GRIK3: variants seen among roughly 807,000 people sequenced by gnomAD.
GRIK3 encodes glutamate receptor ionotropic, kainate 3.
A neutral mutation model predicts 102.5 loss-of-function variants in GRIK3; 29 were observed. The ratio of observed to expected loss-of-function variants is 0.28; its 90% CI spans 0.21 to 0.39. The LOEUF is 0.39. Among genes scored for constraint, GRIK3 ranks in the 10% least tolerant of loss-of-function variants. The pLI is 1.00. For missense variants in GRIK3, 908 were observed against 1,252.4 expected (o/e 0.73, Z 4.15); for synonymous variants, 511 against 504.9 (o/e 1.01, Z -0.16).
At chr1:37,019,019 G>A (rs974122939) in intron 1 of GRIK3, among the ~76,000 whole-genome samples, 5 of 152,058 alleles carry the variant, frequency 3.3e-5, no homozygotes, top group African/African-American at 1.2e-4. Context: ...GCCATGTCCA[G>A]GAAAATCCAC....
Position 36,825,831 on chromosome 1 carries a change from A to C in GRIK3, c.1531-5T>G. 2 of 1,596,154 alleles carry C rather than the reference A, an allele frequency of 1.3e-6. No individual in the cohort carries two copies. Among genetic ancestry groups the C allele is most frequent in the Non-Finnish European group, 1.7e-6 (2 of 1,168,342 alleles). On this transcript the variant is annotated splice_polypyrimidine_tract_variant and splice_region_variant and intron_variant, in intron 10 of 15. Transcript: ENST00000373091. ...GGCCACGGCCAGATCTGCCTTCTGC[A>C]ACCAGACAGAGAGAGAAAGACAGAC...
At chr1:36,826,777 C>T (rs1043827697) in intron 10 of GRIK3, among the ~76,000 whole-genome samples, 15 of 151,738 alleles carry the variant, frequency 9.9e-5, no homozygotes, top group African/African-American at 2.9e-4. Context: ...TGGGGTAATT[C>T]TAGGAATGCT....
At chr1:36,978,936 T>C (rs1303575888) in intron 1 of GRIK3, among the ~76,000 whole-genome samples, 4 of 152,208 alleles carry the variant, frequency 2.6e-5, no homozygotes, top group Admixed American at 6.5e-5. Flanking sequence ...GTATAGATCA[T>C]TGATACATGG....
intron 1 of GRIK3, among the ~76,000 whole-genome samples, chr1:36,959,006 C>T (rs112145595): frequency 2.1e-4 from 18 of 85,148 alleles, no homozygotes; most frequent in African/African-American, 4.9e-4. Flanking sequence ...GTCTGTGCCC[C>T]GTGACTCTGT....
intron 1 of GRIK3, among the ~76,000 whole-genome samples, chr1:37,009,794 AG>A (rs1642570176): frequency 2.6e-5 from 4 of 152,178 alleles, no homozygotes; most frequent in African/African-American, 9.7e-5. Flanking sequence ...GCTGGACTGA[AG>A]TAGGGACTTG....
chr1:36,908,023 A>C (rs1557721176), intron 1 of GRIK3, among the ~76,000 whole-genome samples: 1 of 152,128 alleles, frequency 6.6e-6, no homozygotes. Flanking sequence ...CCCTTGCTTC[A>C]GGGTGGGGAC....
intron 1 of GRIK3, among the ~76,000 whole-genome samples, chr1:37,005,391 G>A (rs866964466): frequency 1.3e-5 from 2 of 152,228 alleles, no homozygotes; most frequent in Admixed American, 6.5e-5. Flanking sequence ...AATGCTGGGC[G>A]CTGCTGGGAG....
intron 1 of GRIK3, among the ~76,000 whole-genome samples, chr1:36,897,005 A>G (rs1215459679): frequency 6.6e-6 from 1 of 152,212 alleles, no homozygotes; most frequent in Non-Finnish European, 1.5e-5. Context: ...TCTCAACATA[A>G]TAAAAGCCAT....
chr1:36,891,896 C>A (rs373191603), intron 1 of GRIK3, among the ~76,000 whole-genome samples: 12 of 152,310 alleles, frequency 7.9e-5, no homozygotes, highest in African/African-American at 2.6e-4. Flanking sequence ...AGTGTTTCTT[C>A]ATATCAGTGA....
At chr1:36,991,228 G>T (rs980522467) in intron 1 of GRIK3, among the ~76,000 whole-genome samples, 1 of 152,160 alleles carries the variant, frequency 6.6e-6, no homozygotes, top group Non-Finnish European at 1.5e-5. Context: ...CATCTAGAAC[G>T]GTGTAGGTAT....
chr1:36,982,659 G>A (rs1473992349), intron 1 of GRIK3, among the ~76,000 whole-genome samples: 1 of 152,200 alleles, frequency 6.6e-6, no homozygotes, highest in African/African-American at 2.4e-5. Context: ...AGCCTTCTAA[G>A]GGATGGTCAA....
At chr1:37,029,973 C>T (rs1160365087) in intron 1 of GRIK3, among the ~76,000 whole-genome samples, 1 of 152,202 alleles carries the variant, frequency 6.6e-6, no homozygotes, top group Non-Finnish European at 1.5e-5. Context: ...CTTGCATAAA[C>T]CACCTCTAAA....
chr1:37,004,033 C>T (rs758275539), intron 1 of GRIK3, among the ~76,000 whole-genome samples: 2 of 152,122 alleles, frequency 1.3e-5, no homozygotes, highest in Non-Finnish European at 2.9e-5. Flanking sequence ...CAGCACTCGG[C>T]CCAATCTCTG....
intron 1 of GRIK3, among the ~76,000 whole-genome samples, chr1:37,019,133 T>G (rs75337791): frequency 1.3e-5 from 2 of 152,184 alleles, no homozygotes; most frequent in Non-Finnish European, 2.9e-5. Context: ...ACTTACAAAT[T>G]GGGTACTAAC....
intron 1 of GRIK3, among the ~76,000 whole-genome samples, chr1:36,913,068 C>T (rs1170960262): frequency 6.6e-6 from 1 of 152,214 alleles, no homozygotes; most frequent in Non-Finnish European, 1.5e-5. Flanking sequence ...GCTGAGGGAC[C>T]TTCAGTAGAC....
chr1:36,806,372 A>C lies in GRIK3; in HGVS notation c.2092-46T>G, dbSNP rs1423679984. The C allele has an allele frequency of 7.9e-7, 1 of 1,264,706 alleles. No homozygotes were observed. The highest frequency in any genetic ancestry group is 1.5e-5 in the African/African-American group (1 of 68,252). The allele number at this position is 1,264,706 out of a possible 1,614,324, so 78.3% of individuals were successfully genotyped here. ...TGATGCACACACCGTTACTAGGCGC[A>C]CCAGGGACCAAGCACCGCATACCCT... On this transcript the variant is annotated intron_variant, in intron 13 of 15. Transcript: ENST00000373091. This position sits in a 1 kb window ranked among gnomAD's most constrained non-coding sequence, Gnocchi z 4.0.
rs1002576419 is a variant in GRIK3 at position 36,797,065 on chromosome 1, T to C, written c.*4786A>G. ...GTGCAGGACTCACCTGGCAGCACCA[T>C]GTAGCTCTGCCCTCTTCTTCAGGGT... On this transcript the variant is annotated 3_prime_UTR_variant, in exon 16 of 16. Transcript: ENST00000373091. The C allele has an allele frequency of 2.0e-5, 3 of 152,104 alleles. No homozygotes were observed. The highest frequency in any genetic ancestry group is 4.8e-5 in the African/African-American group (2 of 41,404). The allele number at this position is 152,104 out of a possible 1,614,324, so 9.4% of individuals were successfully genotyped here.
chr1:36,992,700 T>A (rs1357963241), intron 1 of GRIK3, among the ~76,000 whole-genome samples: 1 of 152,220 alleles, frequency 6.6e-6, no homozygotes, highest in African/African-American at 2.4e-5. Context: ...AACATCGTCA[T>A]GAGCAAGAAT....
intron 7 of GRIK3, among the ~76,000 whole-genome samples, chr1:36,856,977 C>T (rs1181426822): frequency 6.6e-6 from 1 of 152,166 alleles, no homozygotes; most frequent in Admixed American, 6.5e-5. Context: ...TGTTCAGCAC[C>T]TGCTACGAGC....
Sources: allele counts gnomAD v4.1 joint callset (sites outside exome capture counted in the v4.1 genomes callset), GRCh38; gene constraint gnomAD v4.1.1; non-coding constraint Gnocchi (gnomAD v3.1); transcripts MANE v1.5; gene names NCBI Gene and HGNC (gene_info 2026-07-23, HGNC 2026-07-21).